The following GRM8 variants were observed in gnomAD, a reference collection of about 807,000 sequenced individuals.
The protein encoded by GRM8 is metabotropic glutamate receptor 8.
A neutral mutation model predicts 87.2 loss-of-function variants in GRM8; 47 were observed. That is an observed-to-expected ratio of 0.54 (90% CI 0.43 to 0.69). GRM8 has a LOEUF of 0.69. Ranked by LOEUF, GRM8 falls within the 30% of genes least tolerant of loss-of-function variation. GRM8 has a pLI of 0.00. For synonymous variants in GRM8, 396 were observed against 404.5 expected (o/e 0.98, Z 0.25); for missense variants, 1,019 against 1,139.2 (o/e 0.89, Z 1.52).
intron 9 of GRM8, among the ~76,000 whole-genome samples, chr7:126,484,350 C>T (rs1198344355): frequency 6.6e-6 from 1 of 151,944 alleles, no homozygotes; most frequent in African/African-American, 2.4e-5. Flanking sequence ...AAGGAAATAG[C>T]TGAAATGGAA....
At chr7:127,173,032 G>A (rs1009227448) in intron 2 of GRM8, among the ~76,000 whole-genome samples, 3 of 152,090 alleles carry the variant, frequency 2.0e-5, no homozygotes, top group Non-Finnish European at 2.9e-5. Flanking sequence ...GCATTTATTC[G>A]CCCCTTTATT....
Position 126,549,690 on chromosome 7 carries a change from A to G in GRM8, c.1495-15803T>C, listed in dbSNP as rs138906315. 1.0e-3 allele frequency among the ~76,000 whole-genome samples: 154 copies of G among 152,320 alleles called. 1 individual carries two copies. The highest frequency in any genetic ancestry group is 3.6e-3 in the African/African-American group (148 of 41,590). ...GACAAGGTTTATTTTACATTTGAGG[A>G]CTAGAGAGAAACTCTCAGATATACA... On this transcript the variant is annotated intron_variant, in intron 8 of 10. Coordinates refer to ENST00000339582, the MANE Select transcript of GRM8 (RefSeq NM_000845.3).
intron 3 of GRM8, among the ~76,000 whole-genome samples, chr7:126,989,268 C>A (rs1019725120): frequency 4.3e-4 from 65 of 152,140 alleles, no homozygotes; most frequent in Non-Finnish European, 9.1e-4. Flanking sequence ...TTCCTAAATT[C>A]TCTTAATCTT....
At chr7:126,741,236 G>A (rs1193447051) in intron 7 of GRM8, among the ~76,000 whole-genome samples, 6 of 140,158 alleles carry the variant, frequency 4.3e-5, no homozygotes, top group African/African-American at 1.3e-4. Context: ...GTGTGCGTAC[G>A]TGTGTGTGTG....
chr7:126,806,486 C>A lies in GRM8; in HGVS notation c.1157-36421G>T, dbSNP rs1298731710. Among the ~76,000 whole-genome samples, 5 of 152,262 alleles carry A rather than the reference C, an allele frequency of 3.3e-5. No homozygotes were observed. In the East Asian group the frequency reaches 9.6e-4, roughly 29 times the overall value. On this transcript the variant is annotated intron_variant, in intron 6 of 10. Transcript: ENST00000339582. The stretch of plus-strand genomic sequence containing the variant: ...CTTGCGCAGCTGGCCTGCTTTTATT[C>A]CCCTATCTGGCCCCACCCACATCCT...
chr7:126,527,924 A>G (rs991181075), intron 9 of GRM8, among the ~76,000 whole-genome samples: 1 of 152,134 alleles, frequency 6.6e-6, no homozygotes, highest in Admixed American at 6.5e-5. Context: ...AAACACTTTC[A>G]GGCCGGGTGC....
At chr7:126,531,481 C>A (rs1021350317) in intron 9 of GRM8, among the ~76,000 whole-genome samples, 1 of 152,046 alleles carries the variant, frequency 6.6e-6, no homozygotes, top group African/African-American at 2.4e-5. Context: ...ATGCATAACC[C>A]CCAGGTTTTC....
chr7:126,594,395 A>G (rs1363994042), intron 8 of GRM8, among the ~76,000 whole-genome samples: 1 of 152,106 alleles, frequency 6.6e-6, no homozygotes, highest in Non-Finnish European at 1.5e-5. Context: ...ATAATGGAAT[A>G]CTGTTTATCC....
chr7:126,919,878 T>C (rs1411071770), intron 3 of GRM8, among the ~76,000 whole-genome samples: 2 of 152,170 alleles, frequency 1.3e-5, no homozygotes, highest in South Asian at 2.1e-4. Flanking sequence ...GACTCACTAA[T>C]AGCAGCAGCA....
At chr7:127,250,840 A>C (rs929891195) in intron 1 of GRM8, 11 of 152,248 alleles carry the variant, frequency 7.2e-5, no homozygotes, top group Non-Finnish European at 2.9e-5. Context: ...CTGTTTATCC[A>C]CGATCTACCT....
chr7:126,836,637 T>C (rs982589229), intron 6 of GRM8, among the ~76,000 whole-genome samples: 2 of 152,180 alleles, frequency 1.3e-5, no homozygotes, highest in Non-Finnish European at 2.9e-5. Context: ...TGCTGTCTCC[T>C]GCTCATCTTT....
At chr7:126,653,564 A>T (rs2151254868) in intron 7 of GRM8, among the ~76,000 whole-genome samples, 1 of 152,360 alleles carries the variant, frequency 6.6e-6, no homozygotes, top group Non-Finnish European at 1.5e-5. Context: ...AAAGCACATA[A>T]ACCTTTACAG....
At chr7:127,031,054 T>C (rs948860689) in intron 3 of GRM8, among the ~76,000 whole-genome samples, 6 of 152,120 alleles carry the variant, frequency 3.9e-5, no homozygotes, top group African/African-American at 1.2e-4. Flanking sequence ...TTTGGGGCAT[T>C]TGTTATATAG....
intron 6 of GRM8, among the ~76,000 whole-genome samples, chr7:126,833,075 A>C (rs968906112): frequency 7.2e-5 from 11 of 152,350 alleles, no homozygotes; most frequent in African/African-American, 2.4e-4. Context: ...GCAGAAACAT[A>C]AGGAGTCTTG....
At chr7:126,699,652 G>A (rs1044575749) in intron 7 of GRM8, among the ~76,000 whole-genome samples, 18 of 151,760 alleles carry the variant, frequency 1.2e-4, no homozygotes, top group African/African-American at 4.1e-4. Context: ...TCCACCCCTG[G>A]AGCAATGGGA....
chr7:126,611,241 T>C (rs1026813376), intron 7 of GRM8, among the ~76,000 whole-genome samples: 1 of 152,182 alleles, frequency 6.6e-6, no homozygotes, highest in African/African-American at 2.4e-5. Context: ...AAAACCTTTC[T>C]CAGCTCCTAG....
At chr7:126,906,124 G>A (rs13311708) in intron 3 of GRM8, among the ~76,000 whole-genome samples, 3 of 152,022 alleles carry the variant, frequency 2.0e-5, no homozygotes, top group African/African-American at 4.8e-5. Context: ...TGGGATTAGT[G>A]CCCTTATAAA....
At chr7:126,989,544 G>T (rs1812428393) in intron 3 of GRM8, among the ~76,000 whole-genome samples, 1 of 152,084 alleles carries the variant, frequency 6.6e-6, no homozygotes, top group East Asian at 1.9e-4. Context: ...CTAGAGCAGG[G>T]GTCAGGTTCT....
At chr7:126,707,650 A>G (rs541136476) in intron 7 of GRM8, among the ~76,000 whole-genome samples, 1 of 152,298 alleles carries the variant, frequency 6.6e-6, no homozygotes, top group South Asian at 2.1e-4. Context: ...ACTCAACAAT[A>G]AGGAAAGAAA....
Sources: gnomAD v4.1 joint callset for allele counts (sites outside exome capture counted in the v4.1 genomes callset) on GRCh38, gnomAD v4.1.1 for gene constraint, MANE v1.5 for transcripts, NCBI Gene and HGNC (gene_info 2026-07-23, HGNC 2026-07-21) for gene names.